The following TRPC5 variants were observed in gnomAD, a reference collection of about 807,000 sequenced individuals.
The protein encoded by TRPC5 is short transient receptor potential channel 5.
In TRPC5, 9 loss-of-function variants were observed where a neutral mutation model predicts 56.5. That is an observed-to-expected ratio of 0.16 (90% CI 0.10 to 0.28). The LOEUF (loss-of-function observed/expected upper bound fraction) is 0.28. Ranked by LOEUF, TRPC5 falls within the 10% of genes least tolerant of loss-of-function variation. The pLI is 1.00. For missense variants in TRPC5, 469 were observed against 748.9 expected, an observed-to-expected ratio of 0.63 and a Z score of 4.36; for synonymous variants, 282 against 278.5, an observed-to-expected ratio of 1.01 and a Z score of -0.13.
At chrX:112,001,210 A>G (rs16986726) in intron 1 of TRPC5, among the ~76,000 whole-genome samples, 19,036 of 111,179 alleles carry the variant, frequency 0.17, 3,167 homozygotes, top group African/African-American at 0.52. Flanking sequence ...GGCCTGGTAA[A>G]GAGGCAGTAG....
At chrX:112,023,246 GTTTTTT>G (rs1163231468) in intron 1 of TRPC5, among the ~76,000 whole-genome samples, 2 of 56,702 alleles carry the variant, frequency 3.5e-5, no homozygotes, top group Non-Finnish European at 6.3e-5. Flanking sequence ...TTTTTTTTTT[GTTTTTT>G]TTTTTTTTTT....
At chrX:111,966,714 A>G (rs772725144) in intron 1 of TRPC5, among the ~76,000 whole-genome samples, 37 of 112,731 alleles carry the variant, frequency 3.3e-4, no homozygotes, top group East Asian at 1.4e-3. Context: ...TATAAACAGA[A>G]CCAAAGACAA....
intron 7 of TRPC5, among the ~76,000 whole-genome samples, chrX:111,800,144 C>A (rs777894166): frequency 9.0e-6 from 1 of 110,824 alleles, no homozygotes; most frequent in Non-Finnish European, 1.9e-5. Context: ...TCCCATTTCA[C>A]CTCTTCCACC....
At chrX:111,987,179 C>T (rs1928233046) in intron 1 of TRPC5, among the ~76,000 whole-genome samples, 1 of 111,691 alleles carries the variant, frequency 9.0e-6, no homozygotes, top group African/African-American at 3.3e-5. Context: ...CTCTTTACTA[C>T]TGAAAATAAA....
intron 1 of TRPC5, among the ~76,000 whole-genome samples, chrX:112,005,770 C>A (rs1158942261): frequency 5.4e-5 from 6 of 111,780 alleles, no homozygotes; most frequent in African/African-American, 2.0e-4. Flanking sequence ...TGAGCCACTT[C>A]TGTGACTACT....
chrX:111,826,854 C>T lies in TRPC5; in HGVS notation c.1896+8067G>A, dbSNP rs186572009. The stretch of plus-strand genomic sequence containing the variant: ...GGGCAGATATTGGGCTCTTCGTCCC[C>T]TCAGGATTATAATGAGCCCTTTTAT... On this transcript the variant is annotated intron_variant, in intron 7 of 10. Coordinates refer to ENST00000262839, the MANE Select transcript of TRPC5 (RefSeq NM_012471.3). Among the ~76,000 whole-genome samples, 38 of 111,770 alleles carry T rather than the reference C, an allele frequency of 3.4e-4. No individual in the cohort carries two copies. In the Admixed American group the frequency reaches 3.6e-3, roughly 11 times the overall value.
intron 5 of TRPC5, among the ~76,000 whole-genome samples, chrX:111,851,604 A>G (rs1007775282): frequency 9.1e-6 from 1 of 110,224 alleles, no homozygotes; most frequent in African/African-American, 3.3e-5. Context: ...TGCTGGATTT[A>G]TAACTGCTCG....
At position 111,862,444 on chromosome X, in the gene TRPC5, A is replaced by T. The variant is rs1027082363; in HGVS notation, c.901-8338T>A. Among the ~76,000 whole-genome samples the T allele has an allele frequency of 3.6e-5, 4 of 112,306 alleles. No individual in the cohort carries two copies. The Admixed American group carries it at 3.8e-4, about 11-fold the overall frequency. ...AGGGTTATATAGTATAATAACTGGA[A>T]TCCATGGTTAGATTTGACTGAAGCT... On this transcript the variant is annotated intron_variant, in intron 3 of 10. Transcript: ENST00000262839.
chrX:111,844,911 C>T (rs1922883687), intron 6 of TRPC5, among the ~76,000 whole-genome samples: 1 of 110,731 alleles, frequency 9.0e-6, no homozygotes, highest in Admixed American at 9.7e-5. Flanking sequence ...TTTCTATCTC[C>T]CTGGCTGAGT....
intron 1 of TRPC5, among the ~76,000 whole-genome samples, chrX:111,976,026 C>T (rs764216353): frequency 4.7e-4 from 53 of 112,276 alleles, no homozygotes; most frequent in African/African-American, 1.7e-3. Flanking sequence ...TAATCAATGT[C>T]GTATACTATA....
chrX:111,887,609 G>T (rs1220058385), intron 3 of TRPC5, among the ~76,000 whole-genome samples: 2 of 111,816 alleles, frequency 1.8e-5, no homozygotes, highest in Admixed American at 1.9e-4. Flanking sequence ...TTACTACTCT[G>T]GATTTTAATT....
rs202068978 is a variant in TRPC5 at position 111,968,018 on chromosome X, C to A, written c.-21-15577G>T. 4.1e-4 allele frequency among the ~76,000 whole-genome samples: 46 copies of A among 111,035 alleles called. No homozygotes were observed. In the East Asian group the frequency reaches 9.8e-3, roughly 24 times the overall value. Reference sequence around the variant, plus strand: ...AGCTTCTGCACAGCAAAAGAAACCACCATCAGAGTGAACAGGCAACCTACA... The same window carrying A: ...AGCTTCTGCACAGCAAAAGAAACCAACATCAGAGTGAACAGGCAACCTACA... On this transcript the variant is annotated intron_variant, in intron 1 of 10. Coordinates refer to ENST00000262839, the MANE Select transcript of TRPC5 (RefSeq NM_012471.3).
chrX:112,047,451 T>C (rs1930070255), intron 1 of TRPC5, among the ~76,000 whole-genome samples: 1 of 111,443 alleles, frequency 9.0e-6, no homozygotes, highest in South Asian at 3.9e-4. Context: ...TGATATACTC[T>C]GGAGGTTCCA....
chrX:112,001,205 G>A lies in TRPC5; in HGVS notation c.-21-48764C>T, dbSNP rs1015580848. Among the ~76,000 whole-genome samples the A allele has an allele frequency of 2.7e-5, 3 of 111,575 alleles. No homozygotes were observed. The Admixed American group carries it at 2.9e-4, about 11-fold the overall frequency. ...GCTCCTGTTGTGGGAATACTGGCCT[G>A]GTAAAGAGGCAGTAGAATGAAGTGC... is the stretch of plus-strand genomic sequence containing the variant. On this transcript the variant is annotated intron_variant, in intron 1 of 10. Transcript: ENST00000262839.
At chrX:111,881,517 G>C (rs370003524) in intron 3 of TRPC5, among the ~76,000 whole-genome samples, 1 of 111,290 alleles carries the variant, frequency 9.0e-6, no homozygotes, top group Non-Finnish European at 1.9e-5. Context: ...ACCAAATGTC[G>C]GTGTCCTAGA....
intron 3 of TRPC5, among the ~76,000 whole-genome samples, chrX:111,860,155 A>G (rs991915805): frequency 1.1e-4 from 12 of 112,247 alleles, no homozygotes; most frequent in Non-Finnish European, 2.1e-4. Flanking sequence ...TGATCCGCCC[A>G]CCTCGGCCTC....
At chrX:111,965,829 G>A (rs1927549514) in intron 1 of TRPC5, among the ~76,000 whole-genome samples, 1 of 111,419 alleles carries the variant, frequency 9.0e-6, no homozygotes, top group Admixed American at 9.5e-5. Flanking sequence ...AAAGCAGTGT[G>A]TAGAGGGAAA....
At chrX:111,935,651 G>T (rs1418723259) in intron 2 of TRPC5, among the ~76,000 whole-genome samples, 1 of 111,821 alleles carries the variant, frequency 8.9e-6, no homozygotes, top group Admixed American at 9.5e-5. Context: ...TTTGTATATG[G>T]CAAGAGATAT....
chrX:112,020,119 C>G (rs1311875916), intron 1 of TRPC5, among the ~76,000 whole-genome samples: 1 of 111,582 alleles, frequency 9.0e-6, no homozygotes, highest in Non-Finnish European at 1.9e-5. Context: ...TCTTGAACTC[C>G]TGGGCTCAAG....
Sources: gnomAD v4.1 joint callset for allele counts (sites outside exome capture counted in the v4.1 genomes callset) on GRCh38, gnomAD v4.1.1 for gene constraint, MANE v1.5 for transcripts, NCBI Gene and HGNC (gene_info 2026-07-23, HGNC 2026-07-21) for gene names.